Variants in ULK4 observed in about 807,000 individuals in gnomAD.
The protein encoded by ULK4 is inactive serine/threonine-protein kinase ULK4.
A neutral mutation model predicts 160.6 loss-of-function variants in ULK4; 133 were observed. That is an observed-to-expected ratio of 0.83 (90% CI 0.72 to 0.96). ULK4 has a LOEUF of 0.96. Ranked by LOEUF, ULK4 falls within the 40% of genes least tolerant of loss-of-function variation. The pLI, the probability that ULK4 is intolerant of heterozygous loss-of-function variation, is 0.00. For missense variants in ULK4, 1,580 were observed against 1,499.5 expected, an observed-to-expected ratio of 1.05 and a Z score of -0.89; for synonymous variants, 534 against 539.8, an observed-to-expected ratio of 0.99 and a Z score of 0.15.
intron 2 of ULK4, among the ~76,000 whole-genome samples, chr3:41,941,737 CAG>C (rs1162674808): frequency 1.0e-5 from 1 of 99,772 alleles, no homozygotes; most frequent in Non-Finnish European, 1.8e-5. Flanking sequence ...GCCTGAGTGA[CAG>C]AGTGAGACTC....
At chr3:41,619,475 C>T (rs2125688377) in intron 30 of ULK4, among the ~76,000 whole-genome samples, 1 of 152,194 alleles carries the variant, frequency 6.6e-6, no homozygotes, top group East Asian at 1.9e-4. Context: ...CACTCAAAAC[C>T]ACATAACTAC....
chr3:41,921,433 A>G (rs1290449207), intron 5 of ULK4, among the ~76,000 whole-genome samples: 1 of 151,894 alleles, frequency 6.6e-6, no homozygotes, highest in African/African-American at 2.4e-5. Flanking sequence ...AACATGGTAA[A>G]ACCCCGTCTC....
At chr3:41,307,832 A>T (rs201904677) in intron 35 of ULK4, among the ~76,000 whole-genome samples, 3 of 104,350 alleles carry the variant, frequency 2.9e-5, no homozygotes, top group African/African-American at 1.0e-4. Context: ...CCCGTTTCAT[A>T]CATACATACA....
At chr3:41,724,331 G>T (rs192614200) in intron 22 of ULK4, among the ~76,000 whole-genome samples, 1 of 152,174 alleles carries the variant, frequency 6.6e-6, no homozygotes, top group Admixed American at 6.5e-5. Context: ...AAATTTGCTG[G>T]GTCACAAAGC....
chr3:41,562,951 A>C (rs1336872453), intron 32 of ULK4, among the ~76,000 whole-genome samples: 1 of 152,192 alleles, frequency 6.6e-6, no homozygotes, highest in African/African-American at 2.4e-5. Flanking sequence ...ATTTCTTCAT[A>C]GCATCGATGG....
At chr3:41,305,464 C>T (rs1275617465) in intron 35 of ULK4, among the ~76,000 whole-genome samples, 2 of 152,252 alleles carry the variant, frequency 1.3e-5, no homozygotes, top group African/African-American at 4.8e-5. Context: ...GCAAGTGATC[C>T]GCCAGCCTCG....
chr3:41,840,743 G>T (rs562574847), intron 17 of ULK4, among the ~76,000 whole-genome samples: 2 of 152,160 alleles, frequency 1.3e-5, no homozygotes. Flanking sequence ...CCTTCCAGCC[G>T]CCTGCCTTGG....
intron 17 of ULK4, chr3:41,882,238 G>C (rs1211831867): frequency 4.3e-6 from 3 of 702,970 alleles, no homozygotes; most frequent in Non-Finnish European, 5.2e-6. Context: ...GTGGAGTGTT[G>C]AACAAGACAG....
At chr3:41,267,735 C>G (rs2125682922) in intron 35 of ULK4, among the ~76,000 whole-genome samples, 1 of 152,316 alleles carries the variant, frequency 6.6e-6, no homozygotes, top group South Asian at 2.1e-4. Flanking sequence ...ATGCACTCCT[C>G]CTGTCCACAC....
intron 35 of ULK4, among the ~76,000 whole-genome samples, chr3:41,397,004 C>T (rs1439583141): frequency 6.6e-6 from 1 of 152,096 alleles, no homozygotes; most frequent in African/African-American, 2.4e-5. Context: ...GTCTACCTAT[C>T]AAATTGGTGC....
At chr3:41,527,257 G>A (rs2086150425) in intron 32 of ULK4, among the ~76,000 whole-genome samples, 1 of 152,224 alleles carries the variant, frequency 6.6e-6, no homozygotes, top group African/African-American at 2.4e-5. Context: ...TTGAGATTAA[G>A]AAGCAAATGC....
chr3:41,260,553 G>A (rs1401351437), intron 35 of ULK4, among the ~76,000 whole-genome samples: 1 of 152,218 alleles, frequency 6.6e-6, no homozygotes, highest in Non-Finnish European at 1.5e-5. Flanking sequence ...CTTAGCAAAA[G>A]CAAGTGAGGC....
intron 17 of ULK4, among the ~76,000 whole-genome samples, chr3:41,842,858 A>T (rs1291751185): frequency 2.0e-5 from 3 of 152,264 alleles, no homozygotes; most frequent in African/African-American, 7.2e-5. Flanking sequence ...AACAGAATTC[A>T]GAAATAGCTC....
chr3:41,392,049 A>G (rs368095236), intron 35 of ULK4, among the ~76,000 whole-genome samples: 1 of 152,096 alleles, frequency 6.6e-6, no homozygotes, highest in Admixed American at 6.6e-5. Flanking sequence ...TGTGTAGTCA[A>G]TATTTTGAGT....
intron 32 of ULK4, among the ~76,000 whole-genome samples, chr3:41,538,791 T>C (rs2086598050): frequency 6.6e-6 from 1 of 152,168 alleles, no homozygotes; most frequent in Non-Finnish European, 1.5e-5. Context: ...ACTGCATTTT[T>C]ACATTTGTTT....
At chr3:41,302,943 A>C (rs1219861352) in intron 35 of ULK4, among the ~76,000 whole-genome samples, 1 of 152,192 alleles carries the variant, frequency 6.6e-6, no homozygotes, top group Non-Finnish European at 1.5e-5. Flanking sequence ...AATATTAAAT[A>C]ATAAGTGAAA....
In ULK4 at chr3:41,681,807, A is replaced by C; in HGVS notation, c.2782-3T>G. On this transcript the variant is annotated splice_region_variant and splice_polypyrimidine_tract_variant and intron_variant, in intron 27 of 36. Coordinates refer to ENST00000301831, the MANE Select transcript of ULK4 (RefSeq NM_017886.4). Reference sequence around the variant, plus strand: ...GGTGGCAGTATATAGTCAACAACCTAAAAGAAAGCATGTAAAAGACTCAGA... The same window carrying C: ...GGTGGCAGTATATAGTCAACAACCTCAAAGAAAGCATGTAAAAGACTCAGA... 6.2e-7 allele frequency: 1 copy of C among 1,613,970 alleles called. No individual in the cohort carries two copies. The highest frequency in any genetic ancestry group is 8.5e-7 in the Non-Finnish European group (1 of 1,179,896).
chr3:41,693,834 A>C lies in ULK4; in HGVS notation c.2781+11223T>G, dbSNP rs367569893. Among the ~76,000 whole-genome samples the C allele has an allele frequency of 2.6e-4, 39 of 152,344 alleles. No individual in the cohort carries two copies. In the East Asian group the frequency reaches 6.9e-3, roughly 27 times the overall value. ...TAAAAATTAGAAGCAACAAAAGAGG[A>C]AGGAGAAAAAGAAAACCTAAAATTG... is the stretch of plus-strand genomic sequence containing the variant. On this transcript the variant is annotated intron_variant, in intron 27 of 36. Coordinates refer to ENST00000301831, the MANE Select transcript of ULK4 (RefSeq NM_017886.4).
intron 34 of ULK4, among the ~76,000 whole-genome samples, chr3:41,434,608 T>G (rs1409980646): frequency 6.6e-5 from 10 of 152,182 alleles, no homozygotes; most frequent in Non-Finnish European, 1.5e-5. Context: ...AGAATCTATT[T>G]GTCAAACATC....
Sources: gnomAD v4.1 joint callset for allele counts (sites outside exome capture counted in the v4.1 genomes callset) on GRCh38, gnomAD v4.1.1 for gene constraint, MANE v1.5 for transcripts, NCBI Gene and HGNC (gene_info 2026-07-23, HGNC 2026-07-21) for gene names.